Variants in DPT observed in about 807,000 individuals in gnomAD.
DPT encodes dermatopontin, also known as tyrosine-rich acidic matrix protein.
Under a neutral mutation model 31.2 loss-of-function variants are expected in DPT, and 21 were observed. The ratio of observed to expected loss-of-function variants is 0.67; its 90% CI spans 0.48 to 0.97. The LOEUF is 0.97. DPT is among the 50% of genes least tolerant of loss of function. The pLI is 0.00. For missense variants in DPT, 262 were observed against 258.8 expected, an observed-to-expected ratio of 1.01 and a Z score of -0.08; for synonymous variants, 91 against 86.9, an observed-to-expected ratio of 1.05 and a Z score of -0.26.
chr1:168,715,305 T>C (rs2101907534), intron 1 of DPT, among the ~76,000 whole-genome samples: 1 of 152,320 alleles, frequency 6.6e-6, no homozygotes, highest in South Asian at 2.1e-4. Context: ...TTTCTCCCAT[T>C]CCTGGGCCCA....
intron 1 of DPT, among the ~76,000 whole-genome samples, chr1:168,715,327 G>A (rs1339386727): frequency 2.6e-5 from 4 of 152,126 alleles, no homozygotes; most frequent in East Asian, 1.9e-4. Flanking sequence ...TTCCTATGGC[G>A]TCTTCAGGCT....
chr1:168,700,042 G>A (rs1649557630), intron 3 of DPT, among the ~76,000 whole-genome samples: 1 of 152,128 alleles, frequency 6.6e-6, no homozygotes, highest in South Asian at 2.1e-4. Flanking sequence ...CTGAGGGATT[G>A]TTAACTCCTT....
chr1:168,720,519 AG>A (rs766547325), intron 1 of DPT, among the ~76,000 whole-genome samples: 48 of 152,178 alleles, frequency 3.2e-4, no homozygotes, highest in Admixed American at 1.3e-3. Flanking sequence ...GTGATGAACA[AG>A]GTAAAAGGAA....
At chr1:168,716,060 A>G (rs1649981004) in intron 1 of DPT, among the ~76,000 whole-genome samples, 1 of 152,214 alleles carries the variant, frequency 6.6e-6, no homozygotes, top group Admixed American at 6.5e-5. Context: ...CAACAAGTGG[A>G]TTTCATTTAT....
At position 168,728,896 on chromosome 1, in the gene DPT, C is replaced by T. The variant is rs750850773; in HGVS notation, c.279G>A (p.Glu93=). 21 of 1,614,100 alleles carry T rather than the reference C, an allele frequency of 1.3e-5. No homozygotes were observed. Among genetic ancestry groups the T allele is most frequent in the Admixed American group, 5.0e-5 (3 of 59,998 alleles). Reference sequence around the variant, plus strand: ...ATTCCATGCCAGCCCTGTTGATCTCCTCCCACCAGCACTCCGTGGGTTCCC... The same window carrying T: ...ATTCCATGCCAGCCCTGTTGATCTCTTCCCACCAGCACTCCGTGGGTTCCC... The part of the protein sequence containing the change: ...SLGEPTECWW[E]EINRAGMEWY... Residue 93 remains glutamate, a synonymous_variant, in exon 1 of 4, where the codon GAG becomes GAA. Coordinates refer to ENST00000367817, the MANE Select transcript of DPT (RefSeq NM_001937.5).
chr1:168,719,095 G>A (rs1401881146), intron 1 of DPT, among the ~76,000 whole-genome samples: 8 of 152,128 alleles, frequency 5.3e-5, no homozygotes, highest in East Asian at 3.9e-4. Flanking sequence ...ATGAGGGACC[G>A]AATGAGTGAC....
In DPT at chr1:168,701,023, A is replaced by G. The variant is rs1221427755; in HGVS notation, c.533T>C (p.Val178Ala). 1 of 1,611,894 alleles carries G rather than the reference A, an allele frequency of 6.2e-7. No homozygotes were observed. The highest frequency in any genetic ancestry group is 8.5e-7 in the Non-Finnish European group (1 of 1,178,370). The part of the protein sequence containing the change: ...IRGATTTFSA[V>A]ERDRQWKFIM... ...AAGGGGCTGTCTTTCTCACCTTTCC[A>G]CTGCAGAGAAAGTGGTTGTTGCTCC... The change falls in exon 3 of 4, where the codon GTG (valine) becomes GCG (alanine). Residue 178 changes from valine (V) to alanine (A), a missense_variant. By Grantham distance (64) the Val-to-Ala change is moderately conservative. Transcript: ENST00000367817.
Position 168,696,019 on chromosome 1 carries a change from G to A in DPT, c.*530C>T, listed in dbSNP as rs186201010. On this transcript the variant is annotated 3_prime_UTR_variant, in exon 4 of 4. Coordinates refer to ENST00000367817, the MANE Select transcript of DPT (RefSeq NM_001937.5). ...CCTCACTCCTGGAGCAAAGAGCTCT[G>A]CACTTGGATTGCTAAGCATGCATGG... is the stretch of plus-strand genomic sequence containing the variant. The A allele has an allele frequency of 2.2e-4, 85 of 394,370 alleles. No homozygotes were observed. Among genetic ancestry groups the A allele is most frequent in the African/African-American group, 9.2e-4 (45 of 48,650 alleles). The allele number at this position is 394,370 out of a possible 1,614,324, so 24.4% of individuals were successfully genotyped here.
At chr1:168,722,797 G>A (rs1299044160) in intron 1 of DPT, among the ~76,000 whole-genome samples, 1 of 151,736 alleles carries the variant, frequency 6.6e-6, no homozygotes, top group Non-Finnish European at 1.5e-5. Context: ...TTTGAGAATT[G>A]TTCTGACTCT....
chr1:168,700,893 G>C, intron 3 of DPT, 124 bp downstream of exon 3: 1 of 551,010 alleles, frequency 1.8e-6, no homozygotes, highest in Non-Finnish European at 3.0e-6. Context: ...TATTCTACGT[G>C]TGTGTGTGTG....
intron 3 of DPT, 109 bp downstream of exon 3, chr1:168,700,906 TGG>T (rs1491245644): frequency 0.054 from 7,872 of 145,744 alleles, 161 homozygotes; most frequent in African/African-American, 0.31. Flanking sequence ...TGTGTGTGTG[TGG>T]GTGTGTGTGT....
At chr1:168,714,872 G>A (rs967859084) in intron 1 of DPT, among the ~76,000 whole-genome samples, 2 of 152,214 alleles carry the variant, frequency 1.3e-5, no homozygotes, top group South Asian at 2.1e-4. Flanking sequence ...GCCCAGATGG[G>A]CATGGTGAAT....
intron 3 of DPT, among the ~76,000 whole-genome samples, chr1:168,699,247 C>T (rs192795938): frequency 4.6e-5 from 7 of 152,256 alleles, no homozygotes; most frequent in Admixed American, 2.6e-4. Flanking sequence ...CCTGTTATTT[C>T]GTTTTGCACT....
At chr1:168,700,276 A>G (rs1197226987) in intron 3 of DPT, among the ~76,000 whole-genome samples, 1 of 152,196 alleles carries the variant, frequency 6.6e-6, no homozygotes, top group Non-Finnish European at 1.5e-5. Flanking sequence ...GGACACAGTA[A>G]TAAAGCAACA....
At chr1:168,726,711 C>A (rs553300788) in intron 1 of DPT, among the ~76,000 whole-genome samples, 2 of 152,218 alleles carry the variant, frequency 1.3e-5, no homozygotes, top group Non-Finnish European at 2.9e-5. Flanking sequence ...CGATAGTGCT[C>A]CTGAGAGGTG....
At chr1:168,713,087 G>T (rs1253157986) in intron 2 of DPT, among the ~76,000 whole-genome samples, 1 of 152,060 alleles carries the variant, frequency 6.6e-6, no homozygotes, top group African/African-American at 2.4e-5. Flanking sequence ...TGCCCAAACT[G>T]GTGCTCCTTC....
At chr1:168,710,751 C>T (rs970239335) in intron 2 of DPT, among the ~76,000 whole-genome samples, 5 of 152,082 alleles carry the variant, frequency 3.3e-5, no homozygotes, top group Admixed American at 1.3e-4. Context: ...AACCAGTCTC[C>T]AGGTGACCAC....
intron 2 of DPT, among the ~76,000 whole-genome samples, chr1:168,705,781 C>A (rs1051160526): frequency 2.6e-5 from 4 of 152,178 alleles, no homozygotes; most frequent in Admixed American, 6.5e-5. Context: ...ATTTTGAATT[C>A]TCAGATGTTG....
rs1400234145 is a variant in DPT, at chr1:168,714,976, T to C, written c.306-630A>G. ...TTCTACCACCCACAAGACCATAAGC[T>C]CTACACAGCCATGGCATGTTTTTCT... On this transcript the variant is annotated intron_variant, in intron 1 of 3. Transcript: ENST00000367817. Among the ~76,000 whole-genome samples the C allele has an allele frequency of 3.9e-5, 6 of 151,986 alleles. 1 individual carries two copies. In the East Asian group the frequency reaches 1.2e-3, roughly 29 times the overall value.
Sources: allele counts gnomAD v4.1 joint callset (sites outside exome capture counted in the v4.1 genomes callset), GRCh38; gene constraint gnomAD v4.1.1; transcripts MANE v1.5; gene names NCBI Gene and HGNC (gene_info 2026-07-23, HGNC 2026-07-21).